Variants in NEK6 observed in about 807,000 individuals in gnomAD.
NEK6 encodes serine/threonine-protein kinase Nek6.
A neutral mutation model predicts 43.5 loss-of-function variants in NEK6; 27 were observed. The ratio of observed to expected loss-of-function variants is 0.62; its 90% CI spans 0.46 to 0.86. The LOEUF is 0.86. Ranked by LOEUF, NEK6 falls within the 40% of genes least tolerant of loss-of-function variation. NEK6 has a pLI of 0.00. For missense variants in NEK6, 318 were observed against 414.4 expected (o/e 0.77, Z 2.02); for synonymous variants, 167 against 164.1 (o/e 1.02, Z -0.14).
At position 124,343,944 on chromosome 9, in the gene NEK6, G is replaced by A. The variant is rs1289644835; in HGVS notation, c.718-3765G>A. Among the ~76,000 whole-genome samples, 1 of 152,204 alleles carries A rather than the reference G, an allele frequency of 6.6e-6. No homozygotes were observed. The highest frequency in any genetic ancestry group is 2.4e-5 in the African/African-American group (1 of 41,444). On this transcript the variant is annotated intron_variant, in intron 8 of 9. Transcript: ENST00000320246. This position sits in a 1 kb window ranked among gnomAD's most constrained non-coding sequence, Gnocchi z 5.1. The stretch of plus-strand genomic sequence containing the variant: ...ATAAGTTTACTCTCTTAGATCTCGA[G>A]GATTCTGGAGGCCAGATGTCCAAAA...
intron 7 of NEK6, among the ~76,000 whole-genome samples, chr9:124,333,212 G>A (rs950630879): frequency 4.6e-5 from 7 of 152,228 alleles, no homozygotes; most frequent in Non-Finnish European, 1.0e-4. Context: ...CATGCGAGTT[G>A]GGCATTGTGC....
At chr9:124,288,330 G>A (rs1001031869) in intron 1 of NEK6, among the ~76,000 whole-genome samples, 3 of 152,100 alleles carry the variant, frequency 2.0e-5, no homozygotes, top group Admixed American at 6.5e-5. Context: ...GCAGTGGCGC[G>A]ACCTCAATTC....
intron 1 of NEK6, among the ~76,000 whole-genome samples, chr9:124,298,315 A>C (rs1336286938): frequency 6.6e-6 from 1 of 151,582 alleles, no homozygotes; most frequent in Non-Finnish European, 1.5e-5. Context: ...CTGCTTTCCT[A>C]GAACAGGGAA....
intron 1 of NEK6, among the ~76,000 whole-genome samples, chr9:124,268,780 G>A (rs377305409): frequency 1.3e-5 from 2 of 152,166 alleles, no homozygotes; most frequent in African/African-American, 4.8e-5. Flanking sequence ...GAGATCGCGT[G>A]GTTGGCTAAA....
At chr9:124,267,825 A>G (rs1831285180) in intron 1 of NEK6, among the ~76,000 whole-genome samples, 1 of 152,260 alleles carries the variant, frequency 6.6e-6, no homozygotes, top group Non-Finnish European at 1.5e-5. Flanking sequence ...CTGGGGAAAC[A>G]TGCAGAGAAA....
At chr9:124,273,036 C>A (rs1831511806) in intron 1 of NEK6, among the ~76,000 whole-genome samples, 2 of 152,182 alleles carry the variant, frequency 1.3e-5, no homozygotes, top group Non-Finnish European at 2.9e-5. Context: ...GAGAGCTCTG[C>A]AGAGAAGAAT....
In NEK6 at chr9:124,326,875, C is replaced by T. The variant is rs1834367440; in HGVS notation, c.514+437C>T. Among the ~76,000 whole-genome samples, 1 of 152,160 alleles carries T rather than the reference C, an allele frequency of 6.6e-6. No homozygotes were observed. Among genetic ancestry groups the T allele is most frequent in the Non-Finnish European group, 1.5e-5 (1 of 68,010 alleles). The stretch of plus-strand genomic sequence containing the variant: ...CAGGGCACGAGGTCCTTTACGTAGG[C>T]TGCTTCATGGACACCTCCGTTCCTT... On this transcript the variant is annotated intron_variant, in intron 6 of 9. Coordinates refer to ENST00000320246, the MANE Select transcript of NEK6 (RefSeq NM_014397.6). This position sits in a 1 kb window ranked among gnomAD's most constrained non-coding sequence, Gnocchi z 4.5.
chr9:124,322,110 G>C (rs1170818617), intron 5 of NEK6, among the ~76,000 whole-genome samples: 1 of 152,192 alleles, frequency 6.6e-6, no homozygotes, highest in Admixed American at 6.5e-5. Context: ...AGCATTGTGG[G>C]TACAGAGCCA....
At chr9:124,308,571 G>A (rs1002553134) in intron 2 of NEK6, among the ~76,000 whole-genome samples, 7 of 151,202 alleles carry the variant, frequency 4.6e-5, no homozygotes, top group African/African-American at 7.3e-5. Context: ...CAGGAGAATC[G>A]CTTGAACCCG....
At chr9:124,323,669 G>A (rs900733624) in intron 5 of NEK6, among the ~76,000 whole-genome samples, 11 of 152,126 alleles carry the variant, frequency 7.2e-5, no homozygotes, top group African/African-American at 2.4e-4. Flanking sequence ...CTGGGGCTGG[G>A]CAAATCCCTC....
chr9:124,295,558 G>T (rs1419317415), intron 1 of NEK6, among the ~76,000 whole-genome samples: 1 of 152,202 alleles, frequency 6.6e-6, no homozygotes, highest in Non-Finnish European at 1.5e-5. Context: ...TGTCAGTTCT[G>T]CCTGCCGCCT....
intron 7 of NEK6, among the ~76,000 whole-genome samples, chr9:124,332,778 C>T (rs945367758): frequency 2.0e-5 from 3 of 152,100 alleles, no homozygotes; most frequent in Non-Finnish European, 4.4e-5. Flanking sequence ...CTTTAATCAG[C>T]CTCCCTCTTT....
chr9:124,349,069 C>T (rs901283568), intron 9 of NEK6, among the ~76,000 whole-genome samples: 1 of 152,248 alleles, frequency 6.6e-6, no homozygotes, highest in Non-Finnish European at 1.5e-5. Context: ...TGTGTCCAGG[C>T]CGGAGGCTCC....
At chr9:124,302,733 AC>A (rs1833051834) in intron 2 of NEK6, among the ~76,000 whole-genome samples, 3 of 152,024 alleles carry the variant, frequency 2.0e-5, no homozygotes, top group Admixed American at 2.0e-4. Context: ...CTCCACTTCC[AC>A]CCTGCTCTCT....
chr9:124,327,273 C>G (rs1046052701), intron 6 of NEK6, 65 bp from the exon 7 acceptor site: 29 of 1,348,972 alleles, frequency 2.1e-5, no homozygotes, highest in Admixed American at 6.8e-5. Context: ...CCCCCTTCCT[C>G]TCGTCCTGCC....
At chr9:124,347,390 C>A (rs4836975) in intron 8 of NEK6, among the ~76,000 whole-genome samples, 11,000 of 152,314 alleles carry the variant, frequency 0.072, 992 homozygotes, top group East Asian at 0.45. Context: ...CCACATGGAG[C>A]CTGGGTCCCC....
At chr9:124,348,094 G>A (rs764844700) in intron 9 of NEK6, among the ~76,000 whole-genome samples, 2 of 152,190 alleles carry the variant, frequency 1.3e-5, no homozygotes, top group Non-Finnish European at 2.9e-5. Flanking sequence ...CTCCCAACTT[G>A]GTGCTCCAGT....
intron 1 of NEK6, among the ~76,000 whole-genome samples, chr9:124,271,599 C>T (rs1831440794): frequency 6.6e-6 from 1 of 152,260 alleles, no homozygotes; most frequent in African/African-American, 2.4e-5. Flanking sequence ...CAGTCCAAAG[C>T]CATAAACCAC....
At chr9:124,311,563 C>G (rs1833526730) in intron 2 of NEK6, among the ~76,000 whole-genome samples, 1 of 152,186 alleles carries the variant, frequency 6.6e-6, no homozygotes, top group Non-Finnish European at 1.5e-5. Flanking sequence ...AGGCTCCATC[C>G]CTGGGCAGGT....
Sources: allele counts gnomAD v4.1 joint callset (sites outside exome capture counted in the v4.1 genomes callset), GRCh38; gene constraint gnomAD v4.1.1; non-coding constraint Gnocchi (gnomAD v3.1); transcripts MANE v1.5; gene names NCBI Gene and HGNC (gene_info 2026-07-23, HGNC 2026-07-21).